Variants in MARCHF4 observed in about 807,000 individuals in gnomAD.
MARCHF4 encodes membrane associated ring-CH-type finger 4.
MARCHF4 carries 14 observed loss-of-function variants against 43.9 expected under a neutral mutation model. The observed-to-expected ratio is 0.32, with a 90% CI of 0.21 to 0.50. The LOEUF (loss-of-function observed/expected upper bound fraction) is 0.50, where lower values mean the gene tolerates loss of function less well. Among genes scored for constraint, MARCHF4 ranks in the 20% least tolerant of loss-of-function variants. The pLI, the probability that MARCHF4 is intolerant of heterozygous loss-of-function variation, is 0.98. For synonymous variants in MARCHF4, 226 were observed against 213.3 expected, an observed-to-expected ratio of 1.06 and a Z score of -0.52; for missense variants, 468 against 536.7, an observed-to-expected ratio of 0.87 and a Z score of 1.27.
At chr2:216,321,705 G>A (rs532779302) in intron 1 of MARCHF4, 1 of 152,188 alleles carries the variant, frequency 6.6e-6, no homozygotes, top group African/African-American at 2.4e-5. Flanking sequence ...CAAAGTGACT[G>A]GTGACTGGTG....
intron 1 of MARCHF4, among the ~76,000 whole-genome samples, chr2:216,359,805 T>C (rs2105983801): frequency 6.6e-6 from 1 of 152,306 alleles, no homozygotes; most frequent in Admixed American, 6.5e-5. Flanking sequence ...CTGTACTTCT[T>C]CCCCTAAGTT....
intron 1 of MARCHF4, among the ~76,000 whole-genome samples, chr2:216,326,584 G>A (rs1474776842): frequency 1.3e-5 from 2 of 151,998 alleles, no homozygotes; most frequent in East Asian, 1.9e-4. Flanking sequence ...ATGATAGACT[G>A]GATTAAGAAA....
chr2:216,283,878 G>C, intron 1 of MARCHF4, 149 bp from the exon 2 acceptor site: 3 of 836,072 alleles, frequency 3.6e-6, no homozygotes, highest in Non-Finnish European at 5.4e-6. Context: ...CATGGAGGAG[G>C]CCTGGGCTCC....
At chr2:216,369,720 C>T (rs769687324) in intron 1 of MARCHF4, 25 bp downstream of exon 1, 20 of 1,527,810 alleles carry the variant, frequency 1.3e-5, no homozygotes, top group Non-Finnish European at 1.7e-5. Context: ...CCACAGGAAG[C>T]AGGAGAAGAG....
intron 3 of MARCHF4, among the ~76,000 whole-genome samples, chr2:216,269,576 A>G (rs1435354392): frequency 1.3e-5 from 2 of 151,574 alleles, no homozygotes; most frequent in Non-Finnish European, 2.9e-5. Flanking sequence ...TGATTATAAC[A>G]GTTTCGGCAA....
chr2:216,268,658 T>C (rs926204329), intron 3 of MARCHF4, among the ~76,000 whole-genome samples: 4 of 152,210 alleles, frequency 2.6e-5, no homozygotes, highest in African/African-American at 4.8e-5. Context: ...AAGTCCTTTA[T>C]AGCAGTGTGA....
At position 216,359,114 on chromosome 2, in the gene MARCHF4, A is replaced by G. The variant is rs544782334; in HGVS notation, c.516+10631T>C. Among the ~76,000 whole-genome samples, 10 of 152,264 alleles carry G rather than the reference A, an allele frequency of 6.6e-5. No individual in the cohort carries two copies. The South Asian group carries it at 2.1e-3, about 32-fold the overall frequency. On this transcript the variant is annotated intron_variant, in intron 1 of 3. Transcript: ENST00000273067. ...GTGTCTTAACACAATCAAAGTTAGCATTTCCTTCATGTCAGAGCCCATGTT... is the reference window on the plus strand; with the variant it reads ...GTGTCTTAACACAATCAAAGTTAGCGTTTCCTTCATGTCAGAGCCCATGTT...
chr2:216,333,134 T>C (rs2105970448), intron 1 of MARCHF4, among the ~76,000 whole-genome samples: 1 of 151,600 alleles, frequency 6.6e-6, no homozygotes, highest in South Asian at 2.2e-4. Context: ...TACCATTAAT[T>C]ATATAAAGGG....
chr2:216,355,874 C>A (rs1374402381), intron 1 of MARCHF4, among the ~76,000 whole-genome samples: 1 of 152,186 alleles, frequency 6.6e-6, no homozygotes, highest in Admixed American at 6.5e-5. Context: ...CCTATTCCCC[C>A]AACCCCTCAA....
At chr2:216,283,492 A>G (rs1348969585) in intron 2 of MARCHF4, 82 bp downstream of exon 2, 47 of 1,468,890 alleles carry the variant, frequency 3.2e-5, no homozygotes, top group Non-Finnish European at 3.9e-5. Context: ...CCCTGAATCT[A>G]AGGTGAAGTA....
rs929037619 is a variant in MARCHF4, at chr2:216,257,993, C to T, written c.*1319G>A. 2.0e-5 allele frequency: 3 copies of T among 152,156 alleles called. No individual in the cohort carries two copies. Among genetic ancestry groups the T allele is most frequent in the Admixed American group, 1.3e-4 (2 of 15,282 alleles). The allele number at this position is 152,156 out of a possible 1,614,324, so 9.4% of individuals were successfully genotyped here. On this transcript the variant is annotated 3_prime_UTR_variant, in exon 4 of 4. Coordinates refer to ENST00000273067, the MANE Select transcript of MARCHF4 (RefSeq NM_020814.3). ...GTCCTTTTAATACCCATGGATGACGCGACCACTGTGCAGTGACAACCAGAA... is the reference window on the plus strand; with the variant it reads ...GTCCTTTTAATACCCATGGATGACGTGACCACTGTGCAGTGACAACCAGAA...
intron 1 of MARCHF4, among the ~76,000 whole-genome samples, chr2:216,297,601 T>A (rs1239161785): frequency 6.6e-6 from 1 of 152,136 alleles, no homozygotes; most frequent in East Asian, 1.9e-4. Context: ...AACGTCCGCC[T>A]CCCCTGGGTT....
chr2:216,266,574 C>T (rs964342023), intron 3 of MARCHF4, among the ~76,000 whole-genome samples: 1 of 152,164 alleles, frequency 6.6e-6, no homozygotes. Context: ...ACTGGTGCCT[C>T]CTCTCCAACC....
intron 1 of MARCHF4, among the ~76,000 whole-genome samples, chr2:216,315,048 T>C (rs901709265): frequency 3.3e-5 from 5 of 152,148 alleles, no homozygotes; most frequent in Non-Finnish European, 7.3e-5. Context: ...TGAATGTCAA[T>C]ATATTATTGT....
In MARCHF4 at chr2:216,328,961, C is replaced by T. The variant is rs532707579; in HGVS notation, c.516+40784G>A. ...GCTGAGGCACAAGAATCACTTGAAC[C>T]GGTGAGGTGGAGGTTGCAGTGAGCT... On this transcript the variant is annotated intron_variant, in intron 1 of 3. Transcript: ENST00000273067. 1.5e-4 allele frequency among the ~76,000 whole-genome samples: 23 copies of T among 152,150 alleles called. 1 individual carries two copies. The highest frequency in any genetic ancestry group is 2.6e-4 in the Admixed American group (4 of 15,278).
chr2:216,332,662 A>G (rs1692096387), intron 1 of MARCHF4, among the ~76,000 whole-genome samples: 1 of 152,206 alleles, frequency 6.6e-6, no homozygotes, highest in African/African-American at 2.4e-5. Flanking sequence ...ACTGAAAACT[A>G]TAAAACTTTG....
At chr2:216,316,573 G>A (rs536674418) in intron 1 of MARCHF4, among the ~76,000 whole-genome samples, 21 of 152,180 alleles carry the variant, frequency 1.4e-4, no homozygotes, top group African/African-American at 4.3e-4. Flanking sequence ...GGAGAGGGGT[G>A]CGGGGACAGG....
chr2:216,331,849 C>T (rs1402252370), intron 1 of MARCHF4, among the ~76,000 whole-genome samples: 1 of 152,170 alleles, frequency 6.6e-6, no homozygotes, highest in Non-Finnish European at 1.5e-5. Context: ...ATCCACAAAA[C>T]TCTTAAGGTA....
chr2:216,343,869 C>G (rs1323648192), intron 1 of MARCHF4, among the ~76,000 whole-genome samples: 1 of 152,106 alleles, frequency 6.6e-6, no homozygotes, highest in East Asian at 1.9e-4. Flanking sequence ...GCTAGAAGTA[C>G]TATCTGGATA....
Sources: allele counts gnomAD v4.1 joint callset (sites outside exome capture counted in the v4.1 genomes callset), GRCh38; gene constraint gnomAD v4.1.1; transcripts MANE v1.5; gene names NCBI Gene and HGNC (gene_info 2026-07-23, HGNC 2026-07-21).